Variants in ZNF284 observed in about 807,000 individuals in gnomAD.
ZNF284 encodes zinc finger protein 284.
ZNF284 carries 12 observed loss-of-function variants against 12.9 expected under a neutral mutation model. The ratio of observed to expected loss-of-function variants is 0.93; its 90% confidence interval spans 0.60 to 1.51. The LOEUF (loss-of-function observed/expected upper bound fraction) is 1.51. Among genes scored for constraint, ZNF284 ranks in the 40% most tolerant of loss-of-function variants. ZNF284 has a pLI of 0.00. For synonymous variants in ZNF284, 225 were observed against 236.5 expected, an observed-to-expected ratio of 0.95 and a Z score of 0.45; for missense variants, 667 against 707.3, an observed-to-expected ratio of 0.94 and a Z score of 0.65.
At chr19:44,078,257 A>G (rs905785951) in intron 2 of ZNF284, among the ~76,000 whole-genome samples, 1 of 152,208 alleles carries the variant, frequency 6.6e-6, no homozygotes, top group Non-Finnish European at 1.5e-5. Context: ...CATGGGATTA[A>G]TAAGGTGAAT....
At position 44,081,638 on chromosome 19, in the gene ZNF284, G is replaced by A. The variant is rs551452148; in HGVS notation, c.143-375G>A. On this transcript the variant is annotated intron_variant, in intron 3 of 4. Transcript: ENST00000421176. Reference sequence around the variant, plus strand: ...GAGGCGGGTAAATGGCGTGAACCTGGGAGGCGGAGCTTGCAGTGAGCCGAG... The same window carrying A: ...GAGGCGGGTAAATGGCGTGAACCTGAGAGGCGGAGCTTGCAGTGAGCCGAG... 1.9e-3 allele frequency among the ~76,000 whole-genome samples: 290 copies of A among 152,210 alleles called. 6 individuals carry two copies. The Middle Eastern group carries it at 0.037, about 20-fold the overall frequency.
chr19:44,077,551 T>TTTTTTTTTTG (rs1967051681), intron 2 of ZNF284, among the ~76,000 whole-genome samples: 1 of 150,256 alleles, frequency 6.7e-6, no homozygotes, highest in Non-Finnish European at 1.5e-5. Context: ...TTTTTTTTTT[T>TTTTTTTTTTG]TTTTTTTTAG....
intron 1 of ZNF284, among the ~76,000 whole-genome samples, chr19:44,072,763 A>T (rs970646007): frequency 2.6e-5 from 4 of 152,280 alleles, no homozygotes; most frequent in South Asian, 4.2e-4. Context: ...GTGATCCCGG[A>T]CGCTTCTGAC....
chr19:44,085,656 T>C, intron 4 of ZNF284, 58 bp from the exon 5 acceptor site: 1 of 1,452,440 alleles, frequency 6.9e-7, no homozygotes, highest in Non-Finnish European at 9.4e-7. Context: ...AGTGAAATCC[T>C]GAAAACACTG....
Position 44,085,932 on chromosome 19 carries a change from T to C in ZNF284, c.454T>C (p.Cys152Arg), listed in dbSNP as rs192842956. Reference protein sequence around the residue: ...IGETPSEHGKCKKFFSDVSIL... With the variant: ...IGETPSEHGKRKKFFSDVSIL... ...AGAGACACCTTCTGAGCATGGGAAG[T>C]GTAAAAAATTCTTCAGTGATGTCTC... The change falls in exon 5 of 5, where the codon TGT (cysteine) becomes CGT (arginine). Residue 152 changes from cysteine (C) to arginine (R), a missense_variant. Physicochemically the swap from Cys to Arg is radical, Grantham distance 180. Coordinates refer to ENST00000421176, the MANE Select transcript of ZNF284 (RefSeq NM_001037813.4). 1.2e-6 allele frequency: 2 copies of C among 1,614,166 alleles called. No homozygotes were observed. The highest frequency in any genetic ancestry group is 1.3e-5 in the African/African-American group (1 of 75,054).
intron 2 of ZNF284, among the ~76,000 whole-genome samples, chr19:44,079,420 C>T (rs117903970): frequency 0.014 from 2,080 of 152,140 alleles, 23 homozygotes; most frequent in Non-Finnish European, 0.023. Context: ...ATGGAGAAAC[C>T]CCATCTCCAC....
intron 1 of ZNF284, among the ~76,000 whole-genome samples, chr19:44,075,753 T>C (rs1223714847): frequency 6.6e-6 from 1 of 152,202 alleles, no homozygotes; most frequent in East Asian, 1.9e-4. Context: ...ACAATTATTT[T>C]TTCCAATTCT....
chr19:44,086,699 A>C lies in ZNF284; in HGVS notation c.1221A>C (p.Arg407Ser). ...TCAAGTGCGACGGATGTGGGAAGAG[A>C]TTTTATATGAATTCACAGGGCCATT... ...TTFKCDGCGK[R>S]FYMNSQGHSH... Residue 407 changes from arginine to serine, a missense_variant, in exon 5 of 5, where the codon AGA becomes AGC. Physicochemically the swap from Arg to Ser is moderately radical, Grantham distance 110. Transcript: ENST00000421176. 1 of 1,613,976 alleles carries C rather than the reference A, an allele frequency of 6.2e-7. No homozygotes were observed. The highest frequency in any genetic ancestry group is 1.7e-5 in the Admixed American group (1 of 60,014).
intron 1 of ZNF284, among the ~76,000 whole-genome samples, chr19:44,074,484 C>T (rs1010749388): frequency 6.6e-6 from 1 of 152,146 alleles, no homozygotes; most frequent in African/African-American, 2.4e-5. Flanking sequence ...CAAATGTTTA[C>T]ATTTTTCCTG....
chr19:44,084,274 T>C (rs1254599261), intron 4 of ZNF284, among the ~76,000 whole-genome samples: 1 of 152,196 alleles, frequency 6.6e-6, no homozygotes, highest in Non-Finnish European at 1.5e-5. Context: ...TGTGCACACA[T>C]GTGCCTGAGG....
At chr19:44,078,290 A>G (rs951072195) in intron 2 of ZNF284, among the ~76,000 whole-genome samples, 1 of 152,220 alleles carries the variant, frequency 6.6e-6, no homozygotes, top group African/African-American at 2.4e-5. Context: ...GATTATCAAA[A>G]TCACAGGAAA....
rs1967232989 is a variant in ZNF284, at chr19:44,086,018, C to T, written c.540C>T (p.Tyr180=). ...AGATATCCCATACATGTAATGAGTA[C>T]AGGAAGAGATTCTGTTATAGCTCAG... ...SGKISHTCNE[Y]RKRFCYSSAL... The change falls in exon 5 of 5, where the codon TAC becomes TAT. Residue 180 remains tyrosine, a synonymous_variant. Transcript: ENST00000421176. 2 of 1,613,978 alleles carry T rather than the reference C, an allele frequency of 1.2e-6. No individual in the cohort carries two copies. Among genetic ancestry groups the T allele is most frequent in the Admixed American group, 1.7e-5 (1 of 59,992 alleles).
In ZNF284 at chr19:44,088,294, GAAT is replaced by G. The variant is rs1213745917; in HGVS notation, c.*1035_*1037del. 1.3e-5 allele frequency: 2 copies of G among 152,162 alleles called. No homozygotes were observed. Among genetic ancestry groups the G allele is most frequent in the African/African-American group, 4.8e-5 (2 of 41,456 alleles). 9.4% of individuals were successfully genotyped at this position (152,162 alleles called of 1,614,324 possible). On this transcript the variant is annotated 3_prime_UTR_variant, in exon 5 of 5. Transcript: ENST00000421176. Reference sequence around the variant, plus strand: ...ATGTGGTATTTATCTTTCTGGGCCTGAATTTACATCACTCAACATCATGTTCTC... The same window carrying G: ...ATGTGGTATTTATCTTTCTGGGCCTGTTACATCACTCAACATCATGTTCTC...
chr19:44,078,851 C>T (rs1195129089), intron 2 of ZNF284, among the ~76,000 whole-genome samples: 1 of 152,050 alleles, frequency 6.6e-6, no homozygotes, highest in Non-Finnish European at 1.5e-5. Context: ...AGTGCAGTGG[C>T]GCAATCTTGG....
At position 44,081,140 on chromosome 19, in the gene ZNF284, G is replaced by A; in HGVS notation, c.141G>A (p.Val47=). 6.2e-7 allele frequency: 1 copy of A among 1,610,602 alleles called. No individual in the cohort carries two copies. The highest frequency in any genetic ancestry group is 1.1e-5 in the South Asian group (1 of 90,994). Residue 47 remains valine (V), a splice_region_variant and synonymous_variant, in exon 3 of 5, where the codon GTG becomes GTA. Coordinates refer to ENST00000421176, the MANE Select transcript of ZNF284 (RefSeq NM_001037813.4). ...AGAACTTCAGAAACCTGCTATCAGTGGGTGAGCACAGGCACCCTCTGTAAT... is the reference window on the plus strand; with the variant it reads ...AGAACTTCAGAAACCTGCTATCAGTAGGTGAGCACAGGCACCCTCTGTAAT... ...MLENFRNLLS[V]GHQLSHRDTF...
rs779381867 is a variant in ZNF284 at position 44,086,265 on chromosome 19, G to C, written c.787G>C (p.Glu263Gln). Residue 263 changes from glutamate (E) to glutamine (Q), a missense_variant, in exon 5 of 5, where the codon GAA becomes CAA. Transcript: ENST00000421176. ...AGGAGAAAAACCTCATATTTGTGAG[G>C]AATGTGGGAAGGCCTTCATTCACAA... Reference protein sequence around the residue: ...HTGEKPHICEECGKAFIHNSQ... With the variant: ...HTGEKPHICEQCGKAFIHNSQ... 6.2e-6 allele frequency: 10 copies of C among 1,614,068 alleles called. No individual in the cohort carries two copies. The highest frequency in any genetic ancestry group is 1.3e-5 in the African/African-American group (1 of 74,924).
At chr19:44,081,487 A>G (rs536222795) in intron 3 of ZNF284, among the ~76,000 whole-genome samples, 33 of 152,262 alleles carry the variant, frequency 2.2e-4, no homozygotes, top group East Asian at 3.9e-4. Flanking sequence ...CAAGGAGGGC[A>G]GATCACGAGG....
At chr19:44,083,326 C>T (rs1051834810) in intron 4 of ZNF284, among the ~76,000 whole-genome samples, 11 of 151,278 alleles carry the variant, frequency 7.3e-5, no homozygotes, top group Non-Finnish European at 1.5e-4. Context: ...CCCAGCTACT[C>T]GGGTGGCTGA....
intron 4 of ZNF284, among the ~76,000 whole-genome samples, chr19:44,083,491 AGAGAGAGAGAGGGAAT>A (rs1967166901): frequency 2.0e-5 from 2 of 98,796 alleles, no homozygotes; most frequent in Non-Finnish European, 4.5e-5. Context: ...AGAGAGAGAG[AGAGAGAGAGAGGGAAT>A]GGAATACCAT....
Sources: gnomAD v4.1 joint callset for allele counts (sites outside exome capture counted in the v4.1 genomes callset) on GRCh38, gnomAD v4.1.1 for gene constraint, MANE v1.5 for transcripts, NCBI Gene and HGNC (gene_info 2026-07-23, HGNC 2026-07-21) for gene names.